Variants in PDK2 observed in about 807,000 individuals in gnomAD.
The protein encoded by PDK2 is pyruvate dehydrogenase kinase 2.
In PDK2, 34 loss-of-function variants were observed where a neutral mutation model predicts 50.4. The observed-to-expected ratio is 0.68, with a 90% CI of 0.51 to 0.90. The LOEUF (loss-of-function observed/expected upper bound fraction) is 0.90. PDK2 is among the 40% of genes least tolerant of loss of function. The probability of loss-of-function intolerance (pLI) is 0.00; values close to 1 mark genes in which losing one functional copy is unlikely to be tolerated. For missense variants in PDK2, 377 were observed against 544.5 expected (o/e 0.69, Z 3.06); for synonymous variants, 232 against 216.0 (o/e 1.07, Z -0.65).
chr17:50,105,845 T>G, intron 3 of PDK2, 40 bp from the exon 4 acceptor site: 1 of 1,600,020 alleles, frequency 6.2e-7, no homozygotes, highest in South Asian at 1.1e-5. Context: ...CGGAGAAGAG[T>G]CTGGGGGTGT....
chr17:50,099,101 G>A (rs1325895316), intron 2 of PDK2, among the ~76,000 whole-genome samples: 1 of 152,102 alleles, frequency 6.6e-6, no homozygotes. Context: ...GCCTCTCGGA[G>A]GTCCAGGACC....
rs909580020 is a variant in PDK2, at chr17:50,105,794, G to A, written c.333-91G>A. 2.0e-6 allele frequency: 3 copies of A among 1,493,206 alleles called. No individual in the cohort carries two copies. In the African/African-American group the frequency reaches 4.1e-5, roughly 21 times the overall value. The allele number at this position is 1,493,206 out of a possible 1,614,324, so 92.5% of individuals were successfully genotyped here. ...ACTGGGAGTCCATCGGATTGGGAAG[G>A]GTAGAGCGGGTGAAGACACCGTGGA... is the stretch of plus-strand genomic sequence containing the variant. On this transcript the variant is annotated intron_variant, in intron 3 of 10. Coordinates refer to ENST00000503176, the MANE Select transcript of PDK2 (RefSeq NM_002611.5).
In PDK2 at chr17:50,108,096, G is replaced by A. The variant is rs539509677; in HGVS notation, c.686-60G>A. The A allele has an allele frequency of 3.0e-5, 43 of 1,412,114 alleles. No homozygotes were observed. In the South Asian group the frequency reaches 5.2e-4, roughly 17 times the overall value. 87.5% of individuals were successfully genotyped at this position (1,412,114 alleles called of 1,614,324 possible). ...GGGAGGGGGTGCCTCCTTTGGGTAA[G>A]GTGGTTGAGCAGTGACCTCCTGACG... On this transcript the variant is annotated intron_variant, in intron 6 of 10. Coordinates refer to ENST00000503176, the MANE Select transcript of PDK2 (RefSeq NM_002611.5).
intron 2 of PDK2, among the ~76,000 whole-genome samples, chr17:50,099,172 G>T (rs1248708521): frequency 1.3e-5 from 2 of 152,106 alleles, no homozygotes; most frequent in Admixed American, 6.5e-5. Flanking sequence ...GAGACAGAAG[G>T]TACCATCTGT....
chr17:50,104,162 G>C (rs973250706), intron 2 of PDK2, among the ~76,000 whole-genome samples: 3 of 152,142 alleles, frequency 2.0e-5, no homozygotes, highest in Non-Finnish European at 2.9e-5. Context: ...CCCAGGGCAC[G>C]GGGCACAGTG....
At chr17:50,107,881 C>G in intron 6 of PDK2, 1 of 482,490 alleles carries the variant, frequency 2.1e-6, no homozygotes, top group South Asian at 2.4e-5. Context: ...CTCTCGCCAG[C>G]CCCTTGCTGG....
rs770710101 is a variant in PDK2, at chr17:50,097,520, C to T, written c.216C>T (p.Pro72=). 3.3e-5 allele frequency: 53 copies of T among 1,613,690 alleles called. No homozygotes were observed. Among genetic ancestry groups the T allele is most frequent in the African/African-American group, 5.3e-5 (4 of 74,896 alleles). The change falls in exon 2 of 11, where the codon CCC becomes CCT. Residue 72 remains proline, a synonymous_variant. Transcript: ENST00000503176. ...ANIMKEINLL[P]DRVLSTPSVQ... ...TCATGAAAGAGATCAACCTGCTTCC[C>T]GACCGAGTGCTGAGCACACCCTCCG... is the stretch of plus-strand genomic sequence containing the variant.
intron 2 of PDK2, among the ~76,000 whole-genome samples, chr17:50,104,993 G>GCAC (rs1250325361): frequency 6.6e-6 from 1 of 152,164 alleles, no homozygotes; most frequent in Admixed American, 6.5e-5. Flanking sequence ...AGAAGTTGAT[G>GCAC]CACCTCCCTG....
At position 50,105,910 on chromosome 17, in the gene PDK2, C is replaced by T. The variant is rs949061535; in HGVS notation, c.358C>T (p.Arg120Trp). 6.2e-7 allele frequency: 1 copy of T among 1,613,612 alleles called. No homozygotes were observed. The highest frequency in any genetic ancestry group is 1.7e-5 in the Admixed American group (1 of 59,976). Residue 120 changes from arginine to tryptophan, a missense_variant, in exon 4 of 11, where the codon CGG becomes TGG. This residue lies in a region of PDK2 where 63 missense variants were observed against 135.1 expected (regional missense o/e 0.47). Coordinates refer to ENST00000503176, the MANE Select transcript of PDK2 (RefSeq NM_002611.5). ...SQFTDALVTI[R>W]NRHNDVVPTM... ...GTTCACTGACGCCCTGGTCACCATC[C>T]GGAACCGGCACAACGACGTGGTGCC...
chr17:50,102,553 G>T (rs1910290583), intron 2 of PDK2, among the ~76,000 whole-genome samples: 2 of 151,978 alleles, frequency 1.3e-5, no homozygotes, highest in South Asian at 4.1e-4. Flanking sequence ...CCACTCTGCA[G>T]TGGGTCTCCT....
Position 50,111,456 on chromosome 17 carries a change from G to C in PDK2, c.*1359G>C, listed in dbSNP as rs954330334. 3 of 152,314 alleles carry C rather than the reference G, an allele frequency of 2.0e-5. No individual in the cohort carries two copies. The highest frequency in any genetic ancestry group is 7.2e-5 in the African/African-American group (3 of 41,456). 9.4% of individuals were successfully genotyped at this position (152,314 alleles called of 1,614,324 possible). ...TCCCATGGCCCTGCCACCAGGCCCA[G>C]ATGGTGCCAGTGTCCTCATATCTGT... On this transcript the variant is annotated 3_prime_UTR_variant, in exon 11 of 11. Transcript: ENST00000503176.
rs556984737 is a variant in PDK2, at chr17:50,108,041, C to T, written c.686-115C>T. The T allele has an allele frequency of 3.4e-5, 27 of 784,576 alleles. No individual in the cohort carries two copies. In the East Asian group the frequency reaches 6.1e-4, roughly 18 times the overall value. 48.6% of individuals were successfully genotyped at this position (784,576 alleles called of 1,614,324 possible). On this transcript the variant is annotated intron_variant, in intron 6 of 10. Coordinates refer to ENST00000503176, the MANE Select transcript of PDK2 (RefSeq NM_002611.5). Reference sequence around the variant, plus strand: ...AAGGGAGGCTGGGGATTTAGTCTCTCGCTGGGCAGCCATGTACTCAGAACT... The same window carrying T: ...AAGGGAGGCTGGGGATTTAGTCTCTTGCTGGGCAGCCATGTACTCAGAACT...
chr17:50,109,442 G>A lies in PDK2; in HGVS notation c.1083+42G>A. On this transcript the variant is annotated intron_variant, in intron 10 of 10. Coordinates refer to ENST00000503176, the MANE Select transcript of PDK2 (RefSeq NM_002611.5). This position sits in a 1 kb window ranked among gnomAD's most constrained non-coding sequence, Gnocchi z 5.0. Reference sequence around the variant, plus strand: ...CAGAGCCCAGCTGGAGAAGAGCTTTGCTGATAGGACCTGGGCAGCCTTGGC... The same window carrying A: ...CAGAGCCCAGCTGGAGAAGAGCTTTACTGATAGGACCTGGGCAGCCTTGGC... 7.1e-7 allele frequency: 1 copy of A among 1,398,608 alleles called. No individual in the cohort carries two copies. The highest frequency in any genetic ancestry group is 1.0e-6 in the Non-Finnish European group (1 of 996,958). The allele number at this position is 1,398,608 out of a possible 1,614,324, so 86.6% of individuals were successfully genotyped here.
Position 50,109,164 on chromosome 17 carries a change from C to A in PDK2, c.970-123C>A. 1 of 617,606 alleles carries A rather than the reference C, an allele frequency of 1.6e-6. No homozygotes were observed. The allele number at this position is 617,606 out of a possible 1,614,324, so 38.3% of individuals were successfully genotyped here. ...GTGTCCCCTCCCACATGTCCCCTCC[C>A]AGCTCTGGGACCCCTGCCATGTGAC... On this transcript the variant is annotated intron_variant, in intron 9 of 10. Coordinates refer to ENST00000503176, the MANE Select transcript of PDK2 (RefSeq NM_002611.5). The surrounding 1 kb of genome is among the most constrained non-coding windows in gnomAD (Gnocchi z 5.0).
In PDK2 at chr17:50,095,380, G is replaced by A. The variant is rs546276968; in HGVS notation, c.-56G>A. 3.8e-5 allele frequency: 50 copies of A among 1,330,094 alleles called. No homozygotes were observed. Among genetic ancestry groups the A allele is most frequent in the Middle Eastern group, 2.1e-4 (1 of 4,660 alleles). 82.4% of individuals were successfully genotyped at this position (1,330,094 alleles called of 1,614,324 possible). A position where few individuals can be genotyped will look rare whatever the true frequency, so the allele number is the denominator to read the frequency against. On this transcript the variant is annotated 5_prime_UTR_variant, in exon 1 of 11. Coordinates refer to ENST00000503176, the MANE Select transcript of PDK2 (RefSeq NM_002611.5). ...GCCGAACCGCGTCGCTGGGCCGAAA[G>A]GTGCGCGAGCGCTGCCCGCGCGGGG...
Position 50,105,875 on chromosome 17 carries a change from T to G in PDK2, c.333-10T>G. ...GGGTGTCCCATGTGAACATCTGCCC[T>G]GCCCCACAGGTTCACTGACGCCCTG... On this transcript the variant is annotated splice_polypyrimidine_tract_variant and intron_variant, in intron 3 of 10. Transcript: ENST00000503176. 6.2e-7 allele frequency: 1 copy of G among 1,612,412 alleles called. No homozygotes were observed. The highest frequency in any genetic ancestry group is 8.5e-7 in the Non-Finnish European group (1 of 1,179,268).
In PDK2 at chr17:50,109,858, G is replaced by A; in HGVS notation, c.1084-99G>A. On this transcript the variant is annotated intron_variant, in intron 10 of 10. Coordinates refer to ENST00000503176, the MANE Select transcript of PDK2 (RefSeq NM_002611.5). The surrounding 1 kb of genome is among the most constrained non-coding windows in gnomAD (Gnocchi z 5.0). ...TTTTGTGGTCTTTCCAGGCCCCCGT[G>A]TCTGGCAGCTGGGCTGCCGCTGAGC... 1.5e-6 allele frequency: 2 copies of A among 1,323,580 alleles called. No individual in the cohort carries two copies. Among genetic ancestry groups the A allele is most frequent in the Admixed American group, 2.9e-5 (1 of 34,332 alleles). 82.0% of individuals were successfully genotyped at this position (1,323,580 alleles called of 1,614,324 possible).
In PDK2 at chr17:50,095,356, C is replaced by A; in HGVS notation, c.-80C>A. On this transcript the variant is annotated 5_prime_UTR_variant, in exon 1 of 11. Transcript: ENST00000503176. The stretch of plus-strand genomic sequence containing the variant: ...CAGGGCAAGGGTAGGGAGGAGGCGG[C>A]CGAACCGCGTCGCTGGGCCGAAAGG... 2 of 1,041,788 alleles carry A rather than the reference C, an allele frequency of 1.9e-6. No homozygotes were observed. Among genetic ancestry groups the A allele is most frequent in the South Asian group, 1.5e-5 (1 of 67,042 alleles). The allele number at this position is 1,041,788 out of a possible 1,614,324, so 64.5% of individuals were successfully genotyped here.
chr17:50,107,158 G>C lies in PDK2; in HGVS notation c.685+5G>C. On this transcript the variant is annotated splice_donor_5th_base_variant and intron_variant, in intron 6 of 10. Coordinates refer to ENST00000503176, the MANE Select transcript of PDK2 (RefSeq NM_002611.5). ...TGGAGATCCAGGAGATCAATGGTGA[G>C]TGAGCGGGGCTGTGTATGTGTCTGT... 1 of 1,613,040 alleles carries C rather than the reference G, an allele frequency of 6.2e-7. No individual in the cohort carries two copies. The highest frequency in any genetic ancestry group is 1.1e-5 in the South Asian group (1 of 91,064).
Sources: gnomAD v4.1 joint callset for allele counts (sites outside exome capture counted in the v4.1 genomes callset) on GRCh38, gnomAD v4.1.1 for gene constraint, gnomAD v4.1.1 regional missense constraint, Gnocchi (gnomAD v3.1) non-coding constraint, MANE v1.5 for transcripts, NCBI Gene and HGNC (gene_info 2026-07-23, HGNC 2026-07-21) for gene names.